The following KHDRBS2 variants were observed in gnomAD, a reference collection of about 807,000 sequenced individuals.
KHDRBS2 encodes KH RNA binding domain containing, signal transduction associated 2.
Under a neutral mutation model 44.3 loss-of-function variants are expected in KHDRBS2, and 26 were observed. That is an observed-to-expected ratio of 0.59 (90% CI 0.43 to 0.81). The LOEUF (loss-of-function observed/expected upper bound fraction) is 0.81, where lower values mean the gene tolerates loss of function less well. KHDRBS2 is among the 40% of genes least tolerant of loss of function. The pLI is 0.00. For missense variants in KHDRBS2, 476 were observed against 433.1 expected (o/e 1.10, Z -0.88); for synonymous variants, 194 against 151.1 (o/e 1.28, Z -2.08).
chr6:62,094,578 G>C (rs1800168359), intron 2 of KHDRBS2, among the ~76,000 whole-genome samples: 1 of 151,602 alleles, frequency 6.6e-6, no homozygotes, highest in Non-Finnish European at 1.5e-5. Context: ...CTATGTCTTT[G>C]TGTATATTTT....
intron 6 of KHDRBS2, among the ~76,000 whole-genome samples, chr6:61,869,116 C>G (rs1014033011): frequency 6.6e-6 from 1 of 152,118 alleles, no homozygotes; most frequent in Non-Finnish European, 1.5e-5. Context: ...TCCTGGGAAG[C>G]CCATCACCCT....
intron 6 of KHDRBS2, among the ~76,000 whole-genome samples, chr6:61,839,095 T>A (rs1583095246): frequency 6.6e-6 from 1 of 152,022 alleles, no homozygotes; most frequent in Admixed American, 6.6e-5. Context: ...ATTTTTCACA[T>A]CTTCTAGATC....
At chr6:61,574,382 C>T in the KHDRBS2 span, 2 of 1,525,766 alleles carry the variant, frequency 1.3e-6, no homozygotes, top group Non-Finnish European at 8.8e-7. Context: ...AACTGACCTG[C>T]CCGTGAAGAG....
chr6:61,904,136 G>A lies in KHDRBS2; in HGVS notation c.484-2765C>T, dbSNP rs191158786. ...AGCCTCTCTCCAGCCCTGCCTAGAG[G>A]GGGAGTTCTTGGGTCCATGTGTGAT... On this transcript the variant is annotated intron_variant, in intron 4 of 8. Coordinates refer to ENST00000281156, the MANE Select transcript of KHDRBS2 (RefSeq NM_152688.4). Among the ~76,000 whole-genome samples the A allele has an allele frequency of 3.2e-3, 487 of 152,262 alleles. 1 individual carries two copies. Among genetic ancestry groups the A allele is most frequent in the Non-Finnish European group, 4.4e-3 (296 of 68,010 alleles).
intron 6 of KHDRBS2, among the ~76,000 whole-genome samples, chr6:61,800,520 T>C (rs924390051): frequency 6.6e-6 from 1 of 152,150 alleles, no homozygotes; most frequent in African/African-American, 2.4e-5. Context: ...AGTTGTGTAG[T>C]ACAACAGTTC....
chr6:61,899,379 A>T (rs1052957294), intron 5 of KHDRBS2, among the ~76,000 whole-genome samples: 1 of 151,918 alleles, frequency 6.6e-6, no homozygotes, highest in Non-Finnish European at 1.5e-5. Flanking sequence ...TAGCACCACT[A>T]ATGATATCAG....
At chr6:62,261,744 T>C (rs1313546458) in intron 1 of KHDRBS2, among the ~76,000 whole-genome samples, 1 of 151,790 alleles carries the variant, frequency 6.6e-6, no homozygotes, top group Non-Finnish European at 1.5e-5. Flanking sequence ...ATAAGACATT[T>C]TTGGAATTCA....
chr6:61,849,973 A>G (rs1795199489), intron 6 of KHDRBS2, among the ~76,000 whole-genome samples: 1 of 152,158 alleles, frequency 6.6e-6, no homozygotes, highest in South Asian at 2.1e-4. Flanking sequence ...TTTGACAAAC[A>G]AAAATATTTT....
chr6:61,599,303 C>A, the KHDRBS2 span, among the ~76,000 whole-genome samples: 21 of 152,130 alleles, frequency 1.4e-4, no homozygotes, highest in South Asian at 2.7e-3. Flanking sequence ...AAGATGAGAG[C>A]TCTCTAAATA....
intron 2 of KHDRBS2, among the ~76,000 whole-genome samples, chr6:62,066,698 C>T (rs1369247592): frequency 1.3e-5 from 2 of 151,574 alleles, no homozygotes; most frequent in African/African-American, 2.4e-5. Flanking sequence ...GCTTATTGAG[C>T]ATACATTATG....
intron 2 of KHDRBS2, among the ~76,000 whole-genome samples, chr6:62,109,866 T>TA: frequency 6.6e-6 from 1 of 151,874 alleles, no homozygotes; most frequent in South Asian, 2.1e-4. Flanking sequence ...ACACCATATA[T>TA]AAAAATTAAC....
At chr6:61,727,354 C>G (rs1773739289) in intron 7 of KHDRBS2, among the ~76,000 whole-genome samples, 2 of 152,142 alleles carry the variant, frequency 1.3e-5, no homozygotes, top group African/African-American at 4.8e-5. Flanking sequence ...CAATACTATT[C>G]AGGACATAGA....
chr6:61,735,416 G>A (rs1775181129), intron 6 of KHDRBS2, among the ~76,000 whole-genome samples: 1 of 152,046 alleles, frequency 6.6e-6, no homozygotes. Flanking sequence ...TCACATTACT[G>A]TGAAGTCCCC....
chr6:61,893,435 A>G (rs1203879353), intron 6 of KHDRBS2, among the ~76,000 whole-genome samples: 6 of 152,210 alleles, frequency 3.9e-5, no homozygotes, highest in Non-Finnish European at 8.8e-5. Context: ...TGCTGCTATA[A>G]AGACACATGC....
At chr6:61,608,209 T>C in the KHDRBS2 span, among the ~76,000 whole-genome samples, 27 of 152,156 alleles carry the variant, frequency 1.8e-4, 1 homozygote, top group African/African-American at 6.0e-4. Context: ...TATAGCTATA[T>C]CAGTCTAACA....
chr6:62,122,798 C>T (rs1409998158), intron 2 of KHDRBS2, among the ~76,000 whole-genome samples: 4 of 130,178 alleles, frequency 3.1e-5, no homozygotes, highest in Non-Finnish European at 5.0e-5. Flanking sequence ...TTAAACAAGG[C>T]CAGTTTCATA....
intron 3 of KHDRBS2, among the ~76,000 whole-genome samples, chr6:62,042,653 A>C (rs1198426232): frequency 6.6e-6 from 1 of 152,098 alleles, no homozygotes; most frequent in Non-Finnish European, 1.5e-5. Context: ...TGCTAGGTTC[A>C]CACCCATATT....
At chr6:62,100,032 T>C (rs1483535938) in intron 2 of KHDRBS2, among the ~76,000 whole-genome samples, 1 of 152,126 alleles carries the variant, frequency 6.6e-6, no homozygotes, top group Non-Finnish European at 1.5e-5. Flanking sequence ...CTGGAAAGGA[T>C]TAACCATTCT....
the KHDRBS2 span, among the ~76,000 whole-genome samples, chr6:61,615,233 C>CAATAAA: frequency 1.7e-5 from 1 of 58,594 alleles, no homozygotes; most frequent in Non-Finnish European, 3.1e-5. Context: ...ACTCCATCTC[C>CAATAAA]AAAAAAAAAA....
Sources: allele counts gnomAD v4.1 joint callset (sites outside exome capture counted in the v4.1 genomes callset), GRCh38; gene constraint gnomAD v4.1.1; transcripts MANE v1.5; gene names NCBI Gene and HGNC (gene_info 2026-07-23, HGNC 2026-07-21).